ASF1A: variants seen among roughly 807,000 people sequenced by gnomAD.
The protein encoded by ASF1A is anti-silencing function 1A histone chaperone, also known as histone chaperone ASF1A.
A neutral mutation model predicts 22.0 loss-of-function variants in ASF1A; 5 were observed. The ratio of observed to expected loss-of-function variants is 0.23; its 90% confidence interval spans 0.12 to 0.48. ASF1A has a LOEUF of 0.48. Among genes scored for constraint, ASF1A ranks in the 20% least tolerant of loss-of-function variants. The pLI is 0.99. For synonymous variants in ASF1A, 97 were observed against 86.7 expected, an observed-to-expected ratio of 1.12 and a Z score of -0.66; for missense variants, 137 against 240.6, an observed-to-expected ratio of 0.57 and a Z score of 2.85.
chr6:118,907,507 C>G lies in ASF1A; in HGVS notation c.508C>G (p.Leu170Val), dbSNP rs557053322. The change falls in exon 4 of 4, where the codon CTA becomes GTA. Residue 170 changes from leucine (L) to valine (V), a missense_variant. Transcript: ENST00000229595. ...AGATGCAGAGAGCAGTAATCCAAAT[C>G]TACAGTCACTTCTTTCAACAGATGC... ...LEDAESSNPN[L>V]QSLLSTDALP... 31 of 1,613,416 alleles carry G rather than the reference C, an allele frequency of 1.9e-5. No individual in the cohort carries two copies. Among genetic ancestry groups the G allele is most frequent in the Non-Finnish European group, 2.5e-5 (30 of 1,179,608 alleles).
chr6:118,903,737 G>A (rs1194063624), intron 2 of ASF1A, among the ~76,000 whole-genome samples: 1 of 152,142 alleles, frequency 6.6e-6, no homozygotes, highest in Non-Finnish European at 1.5e-5. Context: ...AAGCACAGGG[G>A]GTGAAGTATT....
chr6:118,907,122 T>C (rs1207458584), intron 3 of ASF1A, among the ~76,000 whole-genome samples: 1 of 152,212 alleles, frequency 6.6e-6, no homozygotes, highest in African/African-American at 2.4e-5. Context: ...TTCTTTCTTT[T>C]AGAAAACAGA....
intron 2 of ASF1A, among the ~76,000 whole-genome samples, chr6:118,901,560 T>C (rs752235286): frequency 6.6e-5 from 10 of 152,224 alleles, no homozygotes; most frequent in African/African-American, 9.6e-5. Flanking sequence ...CTGAGAGTAT[T>C]TGGATCTATA....
Position 118,900,864 on chromosome 6 carries a change from CAT to C in ASF1A, c.211_212del (p.Met71ValfsTer6), listed in dbSNP as rs1779757061. ...AGTGGGTCCTGTTCCCGCAGGAAGG[CAT>C]ATGTTTGTATTTCAGGTAAGATTAA... is the stretch of plus-strand genomic sequence containing the variant. ...VLVGPVPAGR[H>X]MFVFQADAPN... On this transcript the variant is annotated frameshift_variant, in exon 2 of 4. Transcript: ENST00000229595. LOFTEE classifies it high-confidence loss of function. 1 of 1,611,288 alleles carries C rather than the reference CAT, an allele frequency of 6.2e-7. No homozygotes were observed. Among genetic ancestry groups the C allele is most frequent in the Admixed American group, 1.7e-5 (1 of 59,992 alleles).
chr6:118,894,360 C>T lies in ASF1A; in HGVS notation c.-54C>T. 1 of 1,535,396 alleles carries T rather than the reference C, an allele frequency of 6.5e-7. No homozygotes were observed. The highest frequency in any genetic ancestry group is 1.2e-5 in the South Asian group (1 of 83,890). On this transcript the variant is annotated 5_prime_UTR_variant, in exon 1 of 4. Coordinates refer to ENST00000229595, the MANE Select transcript of ASF1A (RefSeq NM_014034.3). ...CTCTCCCGAGCGGCCGCGCGCTGGA[C>T]TTTATTGTGCCGCAACCAGCCCCAG...
chr6:118,900,016 A>G (rs548864899), intron 1 of ASF1A, among the ~76,000 whole-genome samples: 51 of 152,382 alleles, frequency 3.3e-4, no homozygotes, highest in African/African-American at 1.2e-3. Flanking sequence ...AAACATGCTC[A>G]GTAAAATCCG....
chr6:118,900,911 C>A, intron 2 of ASF1A, 30 bp downstream of exon 2: 1 of 1,438,106 alleles, frequency 7.0e-7, no homozygotes, highest in Non-Finnish European at 9.8e-7. Context: ...ATGTGTATGC[C>A]AAATATGTTT....
intron 1 of ASF1A, among the ~76,000 whole-genome samples, chr6:118,896,584 T>C (rs1400169400): frequency 3.3e-5 from 5 of 152,186 alleles, no homozygotes; most frequent in African/African-American, 4.8e-5. Context: ...GTCAAAAACA[T>C]ACTTATTTCC....
chr6:118,894,599 G>A, intron 1 of ASF1A, 77 bp downstream of exon 1: 1 of 1,271,160 alleles, frequency 7.9e-7, no homozygotes, highest in South Asian at 1.3e-5. Context: ...CGGGCCTCGC[G>A]CTGGGCGGCT....
intron 2 of ASF1A, among the ~76,000 whole-genome samples, chr6:118,903,284 C>A (rs930052660): frequency 6.6e-6 from 1 of 152,116 alleles, no homozygotes; most frequent in Non-Finnish European, 1.5e-5. Flanking sequence ...CCCCTCTGTG[C>A]AGGGGTGTGT....
chr6:118,894,858 C>T (rs556847356), intron 1 of ASF1A, among the ~76,000 whole-genome samples: 1 of 152,218 alleles, frequency 6.6e-6, no homozygotes, highest in South Asian at 2.1e-4. Flanking sequence ...GGCTCCGCGC[C>T]GCCAACAGCC....
At chr6:118,898,423 T>C (rs1373970309) in intron 1 of ASF1A, among the ~76,000 whole-genome samples, 1 of 147,104 alleles carries the variant, frequency 6.8e-6, no homozygotes, top group East Asian at 1.9e-4. Context: ...CTTTATGTAA[T>C]AATTTTTTTT....
intron 1 of ASF1A, among the ~76,000 whole-genome samples, chr6:118,898,498 C>T (rs1165752775): frequency 6.7e-6 from 1 of 150,190 alleles, no homozygotes; most frequent in Non-Finnish European, 1.5e-5. Context: ...GATCTCGGCT[C>T]ACTGCAACCT....
rs1437530907 is a variant in ASF1A, at chr6:118,896,209, T to C, written c.109+1687T>C. ...TCATTTGATTACTCTCCTATGATAC[T>C]ACTATTAATATAAGCATTGCAGCTA... is the stretch of plus-strand genomic sequence containing the variant. On this transcript the variant is annotated intron_variant, in intron 1 of 3. Transcript: ENST00000229595. 8.5e-5 allele frequency among the ~76,000 whole-genome samples: 13 copies of C among 152,296 alleles called. No homozygotes were observed. The South Asian group carries it at 1.9e-3, about 22-fold the overall frequency.
chr6:118,895,018 C>G (rs1055368306), intron 1 of ASF1A, among the ~76,000 whole-genome samples: 1 of 152,160 alleles, frequency 6.6e-6, no homozygotes, highest in Non-Finnish European at 1.5e-5. Flanking sequence ...TGCCCCGCCG[C>G]CCGCCTGCCC....
At chr6:118,894,696 C>T (rs1156445123) in intron 1 of ASF1A, among the ~76,000 whole-genome samples, 174 bp downstream of exon 1, 1 of 152,228 alleles carries the variant, frequency 6.6e-6, no homozygotes, top group Non-Finnish European at 1.5e-5. Context: ...GCGCGGCTTT[C>T]CGCCGCAGCC....
At chr6:118,896,544 TGAATCACATCAG>T (rs1488703368) in intron 1 of ASF1A, among the ~76,000 whole-genome samples, 1 of 152,234 alleles carries the variant, frequency 6.6e-6, no homozygotes, top group Non-Finnish European at 1.5e-5. Context: ...AGAACCCAGC[TGAATCACATCAG>T]GGATTTACAG....
chr6:118,904,304 A>G (rs1780015447), intron 2 of ASF1A, among the ~76,000 whole-genome samples: 1 of 152,198 alleles, frequency 6.6e-6, no homozygotes, highest in South Asian at 2.1e-4. Flanking sequence ...CTAGGTAGCG[A>G]TTTTATGCCT....
Position 118,904,497 on chromosome 6 carries a change from A to G in ASF1A, c.226-1155A>G, listed in dbSNP as rs968650718. Among the ~76,000 whole-genome samples, 4 of 152,304 alleles carry G rather than the reference A, an allele frequency of 2.6e-5. No individual in the cohort carries two copies. In the South Asian group the frequency reaches 8.3e-4, roughly 32 times the overall value. On this transcript the variant is annotated intron_variant, in intron 2 of 3. Transcript: ENST00000229595. Reference sequence around the variant, plus strand: ...CCAGAATGGCTGCCTCAGATGCCTCAGCCATCACTGCCTGTGTTCCCCAGT... The same window carrying G: ...CCAGAATGGCTGCCTCAGATGCCTCGGCCATCACTGCCTGTGTTCCCCAGT...
Sources: gnomAD v4.1 joint callset for allele counts (sites outside exome capture counted in the v4.1 genomes callset) on GRCh38, gnomAD v4.1.1 for gene constraint, MANE v1.5 for transcripts, NCBI Gene and HGNC (gene_info 2026-07-23, HGNC 2026-07-21) for gene names.